Variants in NF1 observed in about 807,000 individuals in gnomAD.
NF1 encodes the protein neurofibromin 1, also known as neurofibromin.
Under a neutral mutation model 325.7 loss-of-function variants are expected in NF1, and 122 were observed. The ratio of observed to expected loss-of-function variants is 0.37; its 90% CI spans 0.32 to 0.44. NF1 has a LOEUF of 0.44. Ranked by LOEUF, NF1 falls within the 20% of genes least tolerant of loss-of-function variation. NF1 has a pLI of 1.00. For synonymous variants in NF1, 1,091 were observed against 1,186.0 expected (o/e 0.92, Z 1.65); for missense variants, 2,140 against 3,415.4 (o/e 0.63, Z 9.31).
At chr17:31,326,519 G>A (rs1021776562) in intron 37 of NF1, among the ~76,000 whole-genome samples, 7 of 152,122 alleles carry the variant, frequency 4.6e-5, no homozygotes, top group Admixed American at 3.3e-4. Context: ...ATGGTGGTGG[G>A]CACCTGTAAT....
At chr17:31,200,232 AT>A (rs35966725) in intron 8 of NF1, among the ~76,000 whole-genome samples, 189 bp from the exon 9 acceptor site, 2 of 151,638 alleles carry the variant, frequency 1.3e-5, no homozygotes, top group African/African-American at 4.8e-5. Context: ...TAGAAAAAGG[AT>A]TTTTTTTAAA....
At chr17:31,220,567 CA>C (rs774523239) in intron 14 of NF1, among the ~76,000 whole-genome samples, 3 of 151,954 alleles carry the variant, frequency 2.0e-5, no homozygotes, top group Non-Finnish European at 4.4e-5. Context: ...GGTTAATATT[CA>C]ATAGTGAGAA....
chr17:31,173,057 G>A (rs1346282591), intron 5 of NF1, among the ~76,000 whole-genome samples: 3 of 152,062 alleles, frequency 2.0e-5, no homozygotes, highest in Non-Finnish European at 4.4e-5. Flanking sequence ...TAAGGTGGGC[G>A]GATCACTGAG....
chr17:31,210,992 T>C (rs1567840376), intron 12 of NF1, among the ~76,000 whole-genome samples: 1 of 152,208 alleles, frequency 6.6e-6, no homozygotes, highest in African/African-American at 2.4e-5. Flanking sequence ...ATAACAGATA[T>C]ATGAATTTTC....
intron 1 of NF1, among the ~76,000 whole-genome samples, chr17:31,095,659 T>C (rs1195534998): frequency 6.6e-6 from 1 of 152,150 alleles, no homozygotes; most frequent in African/African-American, 2.4e-5. Context: ...GCCCTTCCGC[T>C]TGGAAATGGG....
intron 1 of NF1, among the ~76,000 whole-genome samples, chr17:31,120,923 C>A (rs541181325): frequency 2.2e-4 from 33 of 151,550 alleles, no homozygotes; most frequent in Non-Finnish European, 3.4e-4. Flanking sequence ...ACTTCTAGGC[C>A]CAAAAATTCT....
At chr17:31,321,385 C>T (rs2069187368) in intron 36 of NF1, 1 of 152,036 alleles carries the variant, frequency 6.6e-6, no homozygotes, top group South Asian at 2.1e-4. Context: ...AGTCACAATT[C>T]TAGTTTGTTA....
chr17:31,328,548 T>A (rs1343221274), intron 38 of NF1, among the ~76,000 whole-genome samples: 1 of 152,202 alleles, frequency 6.6e-6, no homozygotes, highest in Non-Finnish European at 1.5e-5. Context: ...TAGTATAGTA[T>A]AGCAAACTAG....
intron 36 of NF1, chr17:31,318,934 C>T: frequency 6.2e-7 from 1 of 1,613,772 alleles, no homozygotes; most frequent in Non-Finnish European, 8.5e-7. Flanking sequence ...TGCTTTTGTT[C>T]CAGGAGACAA....
At chr17:31,117,172 G>A (rs1291883484) in intron 1 of NF1, among the ~76,000 whole-genome samples, 1 of 151,182 alleles carries the variant, frequency 6.6e-6, no homozygotes, top group African/African-American at 2.4e-5. Flanking sequence ...GTAGGGATGG[G>A]GTTTCACCAT....
chr17:31,216,879 AATCTGCTTACTCTTAAC>A (rs1799781285), intron 13 of NF1, among the ~76,000 whole-genome samples: 1 of 152,186 alleles, frequency 6.6e-6, no homozygotes, highest in East Asian at 1.9e-4. Context: ...CTCTGCCTAG[AATCTGCTTACTCTTAAC>A]ATAGTAATTC....
Position 31,310,268 on chromosome 17 carries a change from A to C in NF1, c.4836-15552A>C, listed in dbSNP as rs577897247. Among the ~76,000 whole-genome samples, 15 of 152,292 alleles carry C rather than the reference A, an allele frequency of 9.8e-5. No individual in the cohort carries two copies. The South Asian group carries it at 2.7e-3, about 27-fold the overall frequency. Reference sequence around the variant, plus strand: ...ATACAAAATAACACAAAAGAGAAAAAACAAAAACTCTAGGAAGCAGCGAAC... The same window carrying C: ...ATACAAAATAACACAAAAGAGAAAACACAAAAACTCTAGGAAGCAGCGAAC... On this transcript the variant is annotated intron_variant, in intron 36 of 57. Transcript: ENST00000358273.
chr17:31,163,127 ATAG>A, intron 3 of NF1, 56 bp from the exon 4 acceptor site: 1 of 1,556,286 alleles, frequency 6.4e-7, no homozygotes, highest in Non-Finnish European at 8.8e-7. Flanking sequence ...AATTTTCATA[ATAG>A]AAAATGTTTA....
chr17:31,155,126 A>G (rs187436407), intron 1 of NF1, among the ~76,000 whole-genome samples: 13 of 152,300 alleles, frequency 8.5e-5, no homozygotes, highest in Admixed American at 2.6e-4. Context: ...TAGTTGTACT[A>G]TGTTAAAAAT....
At chr17:31,177,879 CA>C (rs2066052566) in intron 5 of NF1, among the ~76,000 whole-genome samples, 1 of 151,756 alleles carries the variant, frequency 6.6e-6, no homozygotes, top group African/African-American at 2.4e-5. Flanking sequence ...GTGAAAAGAC[CA>C]AATCTACATT....
chr17:31,186,986 G>A (rs2066251293), intron 8 of NF1, among the ~76,000 whole-genome samples: 1 of 152,186 alleles, frequency 6.6e-6, no homozygotes, highest in Non-Finnish European at 1.5e-5. Context: ...ATCACGGAAA[G>A]GGCAGAGATT....
At chr17:31,308,630 G>A (rs1204718928) in intron 36 of NF1, among the ~76,000 whole-genome samples, 2 of 114,106 alleles carry the variant, frequency 1.8e-5, no homozygotes, top group African/African-American at 5.3e-5. Flanking sequence ...CTTCTCAAGG[G>A]TGTTCTTTTT....
At chr17:31,224,112 C>G (rs577705794) in intron 16 of NF1, among the ~76,000 whole-genome samples, 3 of 152,168 alleles carry the variant, frequency 2.0e-5, no homozygotes, top group Non-Finnish European at 4.4e-5. Context: ...AGTTGAGGGT[C>G]CTCAATCTAG....
At chr17:31,123,819 A>C (rs1476513950) in intron 1 of NF1, among the ~76,000 whole-genome samples, 2 of 152,212 alleles carry the variant, frequency 1.3e-5, no homozygotes, top group African/African-American at 4.8e-5. Context: ...AGCAAGGTTG[A>C]ATGTACCAGC....
Sources: allele counts gnomAD v4.1 joint callset (sites outside exome capture counted in the v4.1 genomes callset), GRCh38; gene constraint gnomAD v4.1.1; transcripts MANE v1.5; gene names NCBI Gene and HGNC (gene_info 2026-07-23, HGNC 2026-07-21).